ARHGAP10: variants seen among roughly 807,000 people sequenced by gnomAD.
ARHGAP10 encodes Rho GTPase activating protein 10, also known as rho GTPase-activating protein 10.
ARHGAP10 carries 87 observed loss-of-function variants against 108.6 expected under a neutral mutation model. That is an observed-to-expected ratio of 0.80 (90% CI 0.67 to 0.96). The LOEUF (loss-of-function observed/expected upper bound fraction) is 0.96, where lower values mean the gene tolerates loss of function less well. ARHGAP10 is among the 40% of genes least tolerant of loss of function. The probability of loss-of-function intolerance (pLI) is 0.00; values close to 1 mark genes in which losing one functional copy is unlikely to be tolerated. For missense variants in ARHGAP10, 939 were observed against 954.5 expected (o/e 0.98, Z 0.21); for synonymous variants, 347 against 341.1 (o/e 1.02, Z -0.19).
chr4:148,056,992 C>T (rs1457697341), intron 20 of ARHGAP10, among the ~76,000 whole-genome samples: 2 of 152,198 alleles, frequency 1.3e-5, no homozygotes, highest in Non-Finnish European at 2.9e-5. Flanking sequence ...TCATGACTCT[C>T]TTCACGTTAG....
intron 10 of ARHGAP10, among the ~76,000 whole-genome samples, chr4:147,906,193 G>A (rs1579184484): frequency 6.6e-6 from 1 of 152,132 alleles, no homozygotes; most frequent in East Asian, 1.9e-4. Flanking sequence ...ATATATACCT[G>A]AAAGAATTGA....
At chr4:147,888,013 A>G (rs995842206) in intron 10 of ARHGAP10, among the ~76,000 whole-genome samples, 2 of 151,728 alleles carry the variant, frequency 1.3e-5, no homozygotes, top group East Asian at 1.9e-4. Context: ...CCCAGTGCTC[A>G]TGGTCTTTCC....
chr4:147,913,273 A>AGGATC, intron 13 of ARHGAP10, 134 bp downstream of exon 13: 2 of 748,632 alleles, frequency 2.7e-6, no homozygotes, highest in Non-Finnish European at 4.5e-6. Flanking sequence ...GAGTATCAGA[A>AGGATC]GGATCAGTTA....
intron 1 of ARHGAP10, among the ~76,000 whole-genome samples, chr4:147,765,337 T>TGTC (rs540944488): frequency 1.7e-5 from 1 of 58,598 alleles, no homozygotes; most frequent in Non-Finnish European, 3.5e-5. Context: ...TGTGTGTGTG[T>TGTC]GGGGGGGGGG....
At chr4:148,010,459 AC>A (rs1418763983) in intron 18 of ARHGAP10, among the ~76,000 whole-genome samples, 1 of 152,114 alleles carries the variant, frequency 6.6e-6, no homozygotes, top group Non-Finnish European at 1.5e-5. Context: ...TATCTTTCAT[AC>A]CCTTTTTTTG....
chr4:147,967,376 C>T (rs1739244840), intron 18 of ARHGAP10, among the ~76,000 whole-genome samples: 1 of 152,204 alleles, frequency 6.6e-6, no homozygotes, highest in Non-Finnish European at 1.5e-5. Flanking sequence ...TTACACCTAG[C>T]TGTTGTGAAT....
At chr4:148,049,078 G>A (rs958912897) in intron 20 of ARHGAP10, among the ~76,000 whole-genome samples, 1 of 151,104 alleles carries the variant, frequency 6.6e-6, no homozygotes, top group African/African-American at 2.4e-5. Context: ...TGTTTCTTAT[G>A]TATCTTTTAA....
intron 1 of ARHGAP10, among the ~76,000 whole-genome samples, chr4:147,774,163 T>C (rs996165191): frequency 4.6e-5 from 7 of 152,270 alleles, no homozygotes; most frequent in Non-Finnish European, 1.0e-4. Flanking sequence ...TAGTTAGCCC[T>C]GTATAAAAAT....
chr4:148,064,779 GGAA>G (rs1190276761), intron 22 of ARHGAP10, among the ~76,000 whole-genome samples: 2 of 152,148 alleles, frequency 1.3e-5, no homozygotes, highest in Non-Finnish European at 2.9e-5. Context: ...TCTCCTGACG[GGAA>G]GAAGCTAGTG....
intron 18 of ARHGAP10, among the ~76,000 whole-genome samples, chr4:148,011,206 C>G (rs963042600): frequency 4.6e-5 from 7 of 152,186 alleles, no homozygotes; most frequent in Non-Finnish European, 7.3e-5. Flanking sequence ...GGTTATTTAT[C>G]AGAGCATAGC....
chr4:147,912,548 A>ATATATAT (rs1736790587), intron 12 of ARHGAP10, among the ~76,000 whole-genome samples: 1 of 120,334 alleles, frequency 8.3e-6, no homozygotes, highest in African/African-American at 3.8e-5. Flanking sequence ...CAAACAAACA[A>ATATATAT]ATATATATAT....
At chr4:148,024,536 C>A (rs550142664) in intron 19 of ARHGAP10, among the ~76,000 whole-genome samples, 28 of 152,272 alleles carry the variant, frequency 1.8e-4, no homozygotes, top group African/African-American at 6.7e-4. Flanking sequence ...GGAATGCCTC[C>A]TGTAATGACA....
chr4:147,751,604 G>T (rs539763036), intron 1 of ARHGAP10, among the ~76,000 whole-genome samples: 4 of 151,898 alleles, frequency 2.6e-5, no homozygotes, highest in African/African-American at 9.7e-5. Context: ...GGCCTCAAGT[G>T]ATGTGCCTAC....
intron 19 of ARHGAP10, among the ~76,000 whole-genome samples, chr4:148,043,614 A>AATATATATATAT (rs57931206): frequency 0.015 from 815 of 54,808 alleles, 18 homozygotes; most frequent in Middle Eastern, 0.019. Context: ...CCCTCTCTCT[A>AATATATATATAT]ATATATATAT....
chr4:147,783,150 T>C (rs942290835), intron 1 of ARHGAP10, among the ~76,000 whole-genome samples: 4 of 140,458 alleles, frequency 2.8e-5, no homozygotes, highest in African/African-American at 1.0e-4. Context: ...ACACATTAAA[T>C]TATATATTGT....
intron 20 of ARHGAP10, 53 bp from the exon 21 acceptor site, chr4:148,063,095 G>A (rs777767096): frequency 4.6e-5 from 74 of 1,595,290 alleles, no homozygotes; most frequent in Non-Finnish European, 5.7e-5. Context: ...TGTGCATTTC[G>A]TGTTCTGTGG....
rs57931206 is a variant in ARHGAP10, at chr4:148,043,614, AATATATATATATATAT to A, written c.1868-3255_1868-3240del. ...GACAACATAGGGAGACCCTCTCTCT[AATATATATATATATAT>A]ATATATATATATATATATATATTTT... is the stretch of plus-strand genomic sequence containing the variant. On this transcript the variant is annotated intron_variant, in intron 19 of 22. Transcript: ENST00000336498. Among the ~76,000 whole-genome samples, 79 of 54,998 alleles carry A rather than the reference AATATATATATATATAT, an allele frequency of 1.4e-3. 1 individual carries two copies. The highest frequency in any genetic ancestry group is 3.5e-3 in the South Asian group (7 of 1,992). The allele number at this position is 54,998 out of a possible 152,430, so 36.1% of individuals were successfully genotyped here.
At chr4:147,841,624 G>A (rs922216096) in intron 3 of ARHGAP10, among the ~76,000 whole-genome samples, 28 of 152,118 alleles carry the variant, frequency 1.8e-4, no homozygotes, top group African/African-American at 6.5e-4. Flanking sequence ...GAGAGATTCC[G>A]TGGAGCTTCC....
chr4:147,866,782 A>G lies in ARHGAP10; in HGVS notation c.668A>G (p.His223Arg). 1 of 1,613,574 alleles carries G rather than the reference A, an allele frequency of 6.2e-7. No individual in the cohort carries two copies. The part of the protein sequence containing the change: ...QGHELAKDFN[H>R]YKMELQINIQ... Reference sequence around the variant, plus strand: ...CATGAACTTGCCAAAGACTTCAATCACTACAAAATGGAACTACAGATCAAC... The same window carrying G: ...CATGAACTTGCCAAAGACTTCAATCGCTACAAAATGGAACTACAGATCAAC... The change falls in exon 7 of 23, where the codon CAC becomes CGC. Residue 223 changes from histidine (H) to arginine (R), a missense_variant. By Grantham distance (29) the His-to-Arg change is conservative. Coordinates refer to ENST00000336498, the MANE Select transcript of ARHGAP10 (RefSeq NM_024605.4).
Sources: allele counts gnomAD v4.1 joint callset (sites outside exome capture counted in the v4.1 genomes callset), GRCh38; gene constraint gnomAD v4.1.1; transcripts MANE v1.5; gene names NCBI Gene and HGNC (gene_info 2026-07-23, HGNC 2026-07-21).